NSL1: variants seen among roughly 807,000 people sequenced by gnomAD.
NSL1 encodes kinetochore-associated protein NSL1 homolog.
A neutral mutation model predicts 25.4 loss-of-function variants in NSL1; 11 were observed. The ratio of observed to expected loss-of-function variants is 0.43; its 90% confidence interval spans 0.27 to 0.72. The LOEUF (loss-of-function observed/expected upper bound fraction) is 0.72, where lower values mean the gene tolerates loss of function less well. Among genes scored for constraint, NSL1 ranks in the 30% least tolerant of loss-of-function variants. The pLI is 0.19. For missense variants in NSL1, 330 were observed against 342.7 expected, an observed-to-expected ratio of 0.96 and a Z score of 0.29; for synonymous variants, 118 against 120.6, an observed-to-expected ratio of 0.98 and a Z score of 0.14.
chr1:212,751,072 C>T (rs561116826), intron 4 of NSL1, among the ~76,000 whole-genome samples: 1 of 152,194 alleles, frequency 6.6e-6, no homozygotes, highest in East Asian at 1.9e-4. Flanking sequence ...GATTGAAGAA[C>T]ACTTACATAG....
In NSL1 at chr1:212,738,534, TTCTA is replaced by T; in HGVS notation, c.716_719del (p.Ile239LysfsTer17). 6.2e-7 allele frequency: 1 copy of T among 1,614,168 alleles called. No homozygotes were observed. Among genetic ancestry groups the T allele is most frequent in the South Asian group, 1.1e-5 (1 of 91,084 alleles). On this transcript the variant is annotated frameshift_variant, in exon 6 of 6. Transcript: ENST00000366977. LOFTEE classifies it low-confidence loss of function (END_TRUNC). ...TGGAAGCAGTCTCTGTTGGTGTGGT[TTCTA>T]TCTGTGTTATAAAGTTCTCAGGTTT...
rs1330819076 is a variant in NSL1, at chr1:212,791,690, T to C, written c.74A>G (p.Gln25Arg). The C allele has an allele frequency of 6.2e-7, 1 of 1,613,924 alleles. No homozygotes were observed. Among genetic ancestry groups the C allele is most frequent in the Non-Finnish European group, 8.5e-7 (1 of 1,179,998 alleles). Residue 25 changes from glutamine to arginine, a missense_variant, in exon 1 of 6, where the codon CAG becomes CGG. Physicochemically the swap from Gln to Arg is conservative, Grantham distance 43. Coordinates refer to ENST00000366977, the MANE Select transcript of NSL1 (RefSeq NM_015471.4). ...TCGGGGAGTGGCGGAGACCAAGGCC[T>C]GGCTCTCTGTGCCAGCCGCGAGCTC... ...DKELAAGTES[Q>R]ALVSATPRED...
At chr1:212,747,461 G>A (rs778896521) in intron 4 of NSL1, among the ~76,000 whole-genome samples, 4 of 152,192 alleles carry the variant, frequency 2.6e-5, no homozygotes, top group African/African-American at 7.2e-5. Flanking sequence ...ACAACTATGT[G>A]AGTGAGTTTG....
intron 4 of NSL1, among the ~76,000 whole-genome samples, chr1:212,776,908 A>AATTAAGTG (rs1660399951): frequency 6.6e-6 from 1 of 151,976 alleles, no homozygotes; most frequent in Admixed American, 6.5e-5. Context: ...CAAACAAATG[A>AATTAAGTG]ATTAAGTGCT....
Position 212,737,509 on chromosome 1 carries a change from T to C in NSL1, c.*899A>G, listed in dbSNP as rs1658277368. On this transcript the variant is annotated 3_prime_UTR_variant, in exon 6 of 6. Coordinates refer to ENST00000366977, the MANE Select transcript of NSL1 (RefSeq NM_015471.4). ...AGAGCTATAAGAAACTATAGTTAAA[T>C]GTTAGAAGTAAAGCCAATATCGTTT... 2.0e-6 allele frequency: 2 copies of C among 982,666 alleles called. No individual in the cohort carries two copies. The highest frequency in any genetic ancestry group is 1.2e-4 in the Admixed American group (2 of 16,260). The allele number at this position is 982,666 out of a possible 1,614,324, so 60.9% of individuals were successfully genotyped here.
chr1:212,779,051 A>G (rs1222086182), intron 4 of NSL1, among the ~76,000 whole-genome samples: 34 of 117,364 alleles, frequency 2.9e-4, no homozygotes, highest in African/African-American at 7.4e-4. Flanking sequence ...CTGCCCGGCC[A>G]CGACCCCATC....
At chr1:212,782,832 G>C in intron 3 of NSL1, among the ~76,000 whole-genome samples, 1 of 152,148 alleles carries the variant, frequency 6.6e-6, no homozygotes. Context: ...TCTAAAAGGT[G>C]GCGAGGCTAC....
Position 212,784,345 on chromosome 1 carries a change from A to T in NSL1, c.444+18T>A. ...GTGGTAAAATATACTATAACATTTT[A>T]AAGGCAAATCATCTTACCAGAATTT... On this transcript the variant is annotated intron_variant, in intron 3 of 5. Transcript: ENST00000366977. 6.5e-7 allele frequency: 1 copy of T among 1,535,146 alleles called. No individual in the cohort carries two copies. Among genetic ancestry groups the T allele is most frequent in the Non-Finnish European group, 8.9e-7 (1 of 1,125,920 alleles).
intron 4 of NSL1, among the ~76,000 whole-genome samples, chr1:212,750,357 A>C (rs922948927): frequency 6.6e-6 from 1 of 152,088 alleles, no homozygotes; most frequent in Non-Finnish European, 1.5e-5. Context: ...CAAAGACAAG[A>C]GAATAAATCA....
Position 212,737,029 on chromosome 1 carries a change from A to G in NSL1, c.*1379T>C. 2.0e-6 allele frequency: 2 copies of G among 985,252 alleles called. No homozygotes were observed. Among genetic ancestry groups the G allele is most frequent in the Non-Finnish European group, 1.2e-6 (1 of 829,724 alleles). The allele number at this position is 985,252 out of a possible 1,614,324, so 61.0% of individuals were successfully genotyped here. A position where few individuals can be genotyped will look rare whatever the true frequency, so the allele number is the denominator to read the frequency against. On this transcript the variant is annotated 3_prime_UTR_variant, in exon 6 of 6. Coordinates refer to ENST00000366977, the MANE Select transcript of NSL1 (RefSeq NM_015471.4). ...AAACATTAGCACTGTAAAAACAGCA[A>G]CATATTATACAGCCTCAAAACAGTT...
chr1:212,748,229 C>T (rs1658899913), intron 4 of NSL1, among the ~76,000 whole-genome samples: 1 of 152,096 alleles, frequency 6.6e-6, no homozygotes, highest in Admixed American at 6.5e-5. Flanking sequence ...TCTAGTAACA[C>T]TATGAATTGT....
Position 212,731,343 on chromosome 1 carries a change from C to T in NSL1, c.*7065G>A. On this transcript the variant is annotated 3_prime_UTR_variant, in exon 6 of 6. Coordinates refer to ENST00000366977, the MANE Select transcript of NSL1 (RefSeq NM_015471.4). Reference sequence around the variant, plus strand: ...AGCTGAGGCAGGAGGATGGCTTGAGCCCAGGAATTCAAGACCAGCCGGGGC... The same window carrying T: ...AGCTGAGGCAGGAGGATGGCTTGAGTCCAGGAATTCAAGACCAGCCGGGGC... 1.0e-6 allele frequency: 1 copy of T among 981,242 alleles called. No homozygotes were observed. Among genetic ancestry groups the T allele is most frequent in the Non-Finnish European group, 1.2e-6 (1 of 826,300 alleles). 60.8% of individuals were successfully genotyped at this position (981,242 alleles called of 1,614,324 possible). A position where few individuals can be genotyped will look rare whatever the true frequency, so the allele number is the denominator to read the frequency against.
In NSL1 at chr1:212,734,328, A is replaced by T. The variant is rs1658146502; in HGVS notation, c.*4080T>A. Among the ~76,000 whole-genome samples, 1 of 152,226 alleles carries T rather than the reference A, an allele frequency of 6.6e-6. No homozygotes were observed. The highest frequency in any genetic ancestry group is 2.4e-5 in the African/African-American group (1 of 41,458). On this transcript the variant is annotated 3_prime_UTR_variant, in exon 6 of 6. Coordinates refer to ENST00000366977, the MANE Select transcript of NSL1 (RefSeq NM_015471.4). ...AAAGATTCCTGCCATTAAGGGACTT[A>T]CAGTTTTTGGGTCTGTCTTTGATGC... is the stretch of plus-strand genomic sequence containing the variant.
At position 212,732,202 on chromosome 1, in the gene NSL1, T is replaced by TA. The variant is rs1274419910; in HGVS notation, c.*6205dup. 1.4e-4 allele frequency: 138 copies of TA among 983,110 alleles called. No homozygotes were observed. The highest frequency in any genetic ancestry group is 1.3e-4 in the Non-Finnish European group (110 of 827,872). 60.9% of individuals were successfully genotyped at this position (983,110 alleles called of 1,614,324 possible). Reference sequence around the variant, plus strand: ...TTATTTTTTGTTTCTTTGAACATCTTAATCATATTACAAAACATCTCCTTT... The same window carrying TA: ...TTATTTTTTGTTTCTTTGAACATCTTAAATCATATTACAAAACATCTCCTTT... On this transcript the variant is annotated 3_prime_UTR_variant, in exon 6 of 6. Coordinates refer to ENST00000366977, the MANE Select transcript of NSL1 (RefSeq NM_015471.4).
chr1:212,739,705 A>C (rs936596504), intron 4 of NSL1, 104 bp from the exon 5 acceptor site: 39 of 1,049,978 alleles, frequency 3.7e-5, no homozygotes, highest in Non-Finnish European at 5.2e-5. Flanking sequence ...ATCTGGACAA[A>C]AATCTGCTAG....
rs1270772466 is a variant in NSL1, at chr1:212,779,033, G to A, written c.499+3339C>T. Among the ~76,000 whole-genome samples, 8 of 148,620 alleles carry A rather than the reference G, an allele frequency of 5.4e-5. No individual in the cohort carries two copies. The East Asian group carries it at 1.4e-3, about 26-fold the overall frequency. On this transcript the variant is annotated intron_variant, in intron 4 of 5. Coordinates refer to ENST00000366977, the MANE Select transcript of NSL1 (RefSeq NM_015471.4). ...GGCCGCCCATCGTCTGAGATGTGGG[G>A]AGCGCCTCTGCCCGGCCACGACCCC...
At chr1:212,749,732 G>C (rs1658976869) in intron 4 of NSL1, among the ~76,000 whole-genome samples, 1 of 151,948 alleles carries the variant, frequency 6.6e-6, no homozygotes, top group Admixed American at 6.6e-5. Context: ...AAAGAAATTT[G>C]TCTCTAAACT....
intron 4 of NSL1, chr1:212,782,038 T>C: frequency 1.8e-6 from 1 of 565,610 alleles, no homozygotes; most frequent in South Asian, 1.4e-5. Context: ...GCTTTAATAG[T>C]ATAGCTTTGG....
Position 212,730,886 on chromosome 1 carries a change from T to A in NSL1, c.*7522A>T. 2 of 985,368 alleles carry A rather than the reference T, an allele frequency of 2.0e-6. No individual in the cohort carries two copies. The highest frequency in any genetic ancestry group is 2.4e-6 in the Non-Finnish European group (2 of 829,914). The allele number at this position is 985,368 out of a possible 1,614,324, so 61.0% of individuals were successfully genotyped here. A position where few individuals can be genotyped will look rare whatever the true frequency, so the allele number is the denominator to read the frequency against. ...TAATGAATATAAATGCCACAAGCCA[T>A]TAATGTGTGAGATTGTGATCCAGGG... On this transcript the variant is annotated 3_prime_UTR_variant, in exon 6 of 6. Coordinates refer to ENST00000366977, the MANE Select transcript of NSL1 (RefSeq NM_015471.4).
Sources: gnomAD v4.1 joint callset for allele counts (sites outside exome capture counted in the v4.1 genomes callset) on GRCh38, gnomAD v4.1.1 for gene constraint, MANE v1.5 for transcripts, NCBI Gene and HGNC (gene_info 2026-07-23, HGNC 2026-07-21) for gene names.